TBC1D30: variants seen among roughly 807,000 people sequenced by gnomAD.
TBC1D30 encodes the protein TBC1 domain family, member 30.
Under a neutral mutation model 63.2 loss-of-function variants are expected in TBC1D30, and 31 were observed. The observed-to-expected ratio is 0.49, with a 90% CI of 0.37 to 0.66. The LOEUF is 0.66. Ranked by LOEUF, TBC1D30 falls within the 30% of genes least tolerant of loss-of-function variation. The pLI, the probability that TBC1D30 is intolerant of heterozygous loss-of-function variation, is 0.00. For missense variants in TBC1D30, 810 were observed against 953.6 expected, an observed-to-expected ratio of 0.85 and a Z score of 1.98; for synonymous variants, 307 against 361.5, an observed-to-expected ratio of 0.85 and a Z score of 1.71.
intron 5 of TBC1D30, among the ~76,000 whole-genome samples, chr12:64,836,252 A>G (rs1274120498): frequency 6.6e-6 from 1 of 152,224 alleles, no homozygotes; most frequent in African/African-American, 2.4e-5. Flanking sequence ...CAACCCATCT[A>G]GAAATTTCAG....
intron 8 of TBC1D30, among the ~76,000 whole-genome samples, chr12:64,846,404 G>T (rs2136412421): frequency 6.7e-6 from 1 of 148,572 alleles, no homozygotes; most frequent in East Asian, 2.0e-4. Context: ...GTCTAGTTTT[G>T]TTCTTCTGTG....
chr12:64,762,653 G>A (rs1207633114), intron 1 of TBC1D30, among the ~76,000 whole-genome samples: 1 of 152,104 alleles, frequency 6.6e-6, no homozygotes, highest in Non-Finnish European at 1.5e-5. Flanking sequence ...AAAATTTAAC[G>A]TAACATATTT....
intron 2 of TBC1D30, among the ~76,000 whole-genome samples, chr12:64,802,226 A>G (rs1488685183): frequency 6.6e-6 from 1 of 152,184 alleles, no homozygotes; most frequent in Non-Finnish European, 1.5e-5. Context: ...TCATTAAGGA[A>G]GCATTAAAGC....
intron 2 of TBC1D30, among the ~76,000 whole-genome samples, chr12:64,786,642 A>C (rs1337252803): frequency 6.6e-6 from 1 of 151,986 alleles, no homozygotes; most frequent in Admixed American, 6.6e-5. Context: ...CGCCTGGACA[A>C]ATTTTTATTT....
Position 64,875,190 on chromosome 12 carries a change from C to T in TBC1D30, c.1688C>T (p.Ser563Phe). 6.5e-7 allele frequency: 1 copy of T among 1,536,374 alleles called. No homozygotes were observed. The highest frequency in any genetic ancestry group is 8.7e-7 in the Non-Finnish European group (1 of 1,146,914). The change falls in exon 12 of 12, where the codon TCC becomes TTC. Residue 563 changes from serine to phenylalanine, a missense_variant. Coordinates refer to ENST00000539867, the MANE Select transcript of TBC1D30 (RefSeq NM_015279.2). ...GAAGACCTTAAGACGAAGCTCAACT[C>T]CCCGTGGCGAACTCACATCCGAGTC... The part of the protein sequence containing the change: ...PYEDLKTKLN[S>F]PWRTHIRVHK...
chr12:64,853,537 T>A (rs1347189438), intron 8 of TBC1D30, among the ~76,000 whole-genome samples: 1 of 151,914 alleles, frequency 6.6e-6, no homozygotes, highest in African/African-American at 2.4e-5. Flanking sequence ...CACTGGGGTA[T>A]GAAAAAAAAA....
intron 2 of TBC1D30, among the ~76,000 whole-genome samples, chr12:64,816,013 A>C (rs1378562995): frequency 2.0e-5 from 3 of 149,092 alleles, no homozygotes; most frequent in African/African-American, 7.4e-5. Flanking sequence ...TAAATATATG[A>C]AAATTTGATT....
At chr12:64,805,936 C>G (rs2136322919) in intron 2 of TBC1D30, among the ~76,000 whole-genome samples, 1 of 152,250 alleles carries the variant, frequency 6.6e-6, no homozygotes, top group Middle Eastern at 3.4e-3. Context: ...TAACAGCTTT[C>G]CTGGGGGGAA....
At chr12:64,871,404 T>G (rs1252452547) in intron 11 of TBC1D30, among the ~76,000 whole-genome samples, 1 of 152,244 alleles carries the variant, frequency 6.6e-6, no homozygotes, top group Non-Finnish European at 1.5e-5. Flanking sequence ...CAGTCTGCTT[T>G]ATTGTTTAAT....
chr12:64,852,069 G>A (rs548370351), intron 8 of TBC1D30, among the ~76,000 whole-genome samples: 31 of 152,256 alleles, frequency 2.0e-4, no homozygotes, highest in African/African-American at 6.5e-4. Flanking sequence ...GGCCTGTCTT[G>A]CTAGATTGGG....
chr12:64,775,408 T>C (rs1871047710), intron 1 of TBC1D30, among the ~76,000 whole-genome samples: 1 of 152,046 alleles, frequency 6.6e-6, no homozygotes, highest in South Asian at 2.1e-4. Flanking sequence ...ATGACACACA[T>C]AGGCTCAAAA....
At chr12:64,845,140 G>A (rs1218610084) in intron 8 of TBC1D30, among the ~76,000 whole-genome samples, 1 of 152,130 alleles carries the variant, frequency 6.6e-6, no homozygotes, top group Non-Finnish European at 1.5e-5. Flanking sequence ...ACCCAGCAGG[G>A]AATTTTTGGA....
chr12:64,800,420 T>C (rs1215731972), intron 2 of TBC1D30, among the ~76,000 whole-genome samples: 1 of 151,960 alleles, frequency 6.6e-6, no homozygotes, highest in Admixed American at 6.6e-5. Context: ...GGTGAGTGGA[T>C]GTGAGGAGTA....
rs931179847 is a variant in TBC1D30 at position 64,848,139 on chromosome 12, C to A, written c.1038+4654C>A. 2.0e-5 allele frequency among the ~76,000 whole-genome samples: 3 copies of A among 151,768 alleles called. No homozygotes were observed. The South Asian group carries it at 6.2e-4, about 32-fold the overall frequency. ...GACCCCTTTATCATTACATAATGAC[C>A]TTCTTTGTCTCTTCTTAATTTTTGT... On this transcript the variant is annotated intron_variant, in intron 8 of 11. Coordinates refer to ENST00000539867, the MANE Select transcript of TBC1D30 (RefSeq NM_015279.2).
intron 2 of TBC1D30, among the ~76,000 whole-genome samples, chr12:64,810,122 G>T (rs966903836): frequency 3.9e-5 from 6 of 152,118 alleles, no homozygotes; most frequent in African/African-American, 9.7e-5. Context: ...TCGGAGAAAT[G>T]ATCTCAAGGC....
chr12:64,873,828 T>C (rs1878840814), intron 11 of TBC1D30, among the ~76,000 whole-genome samples: 1 of 152,116 alleles, frequency 6.6e-6, no homozygotes, highest in South Asian at 2.1e-4. Context: ...GTTATCAACA[T>C]TTTTAGTTGA....
intron 2 of TBC1D30, among the ~76,000 whole-genome samples, chr12:64,789,399 G>A (rs1195949897): frequency 1.3e-5 from 2 of 151,912 alleles, no homozygotes; most frequent in African/African-American, 4.8e-5. Flanking sequence ...ACCCAGGCTG[G>A]TCTTGAACTC....
chr12:64,828,613 C>T (rs1414295866), intron 3 of TBC1D30, 104 bp downstream of exon 3: 3 of 737,696 alleles, frequency 4.1e-6, no homozygotes, highest in Non-Finnish European at 6.7e-6. Flanking sequence ...TACTTGAAAA[C>T]CTGTCTTGAT....
At chr12:64,769,577 G>A (rs1271657650) in intron 1 of TBC1D30, among the ~76,000 whole-genome samples, 16 of 149,740 alleles carry the variant, frequency 1.1e-4, no homozygotes, top group Non-Finnish European at 2.4e-4. Flanking sequence ...TAGTAGAGAC[G>A]GGGTTTCACC....
Sources: gnomAD v4.1 joint callset for allele counts (sites outside exome capture counted in the v4.1 genomes callset) on GRCh38, gnomAD v4.1.1 for gene constraint, MANE v1.5 for transcripts, NCBI Gene and HGNC (gene_info 2026-07-23, HGNC 2026-07-21) for gene names.